The following TTC21B variants were observed in gnomAD, a reference collection of about 807,000 sequenced individuals.
TTC21B encodes the protein tetratricopeptide repeat protein 21B.
In TTC21B, 127 loss-of-function variants were observed where a neutral mutation model predicts 175.1. The ratio of observed to expected loss-of-function variants is 0.73; its 90% CI spans 0.63 to 0.84. TTC21B has a LOEUF of 0.84. Ranked by LOEUF, TTC21B falls within the 40% of genes least tolerant of loss-of-function variation. The probability of loss-of-function intolerance (pLI) is 0.00; values close to 1 mark genes in which losing one functional copy is unlikely to be tolerated. For synonymous variants in TTC21B, 524 were observed against 524.5 expected, an observed-to-expected ratio of 1.00 and a Z score of 0.01; for missense variants, 1,561 against 1,558.3, an observed-to-expected ratio of 1.00 and a Z score of -0.03.
At chr2:165,929,484 C>T in intron 10 of TTC21B, 149 bp from the exon 11 acceptor site, 1 of 939,624 alleles carries the variant, frequency 1.1e-6, no homozygotes, top group Admixed American at 2.3e-5. Flanking sequence ...TAGAATCATT[C>T]AGAAGAATAA....
intron 6 of TTC21B, among the ~76,000 whole-genome samples, chr2:165,940,355 T>C (rs1173666826): frequency 6.6e-6 from 1 of 152,134 alleles, no homozygotes; most frequent in African/African-American, 2.4e-5. Context: ...CTCAAAACCC[T>C]CCAGTAACCT....
intron 20 of TTC21B, among the ~76,000 whole-genome samples, chr2:165,900,860 T>C (rs894247824): frequency 8.6e-5 from 13 of 151,934 alleles, no homozygotes; most frequent in Non-Finnish European, 1.6e-4. Context: ...ATATTACGTG[T>C]TCCATTATAG....
chr2:165,943,429 TTAA>T (rs1385068987), intron 4 of TTC21B, 88 bp from the exon 5 acceptor site: 146 of 1,073,124 alleles, frequency 1.4e-4, no homozygotes, highest in Middle Eastern at 6.3e-4. Flanking sequence ...TTTCTGGCAA[TTAA>T]TAACAAAAAG....
Position 165,915,430 on chromosome 2 carries a change from T to C in TTC21B, c.1909A>G (p.Thr637Ala), listed in dbSNP as rs1316349287. ...TGGATGGCATCTTGTAAAACTTTGG[T>C]TGCCTCATGCTGTAAAGATGAAATT... ...HRLNGEQHEATKVLQDAIHEF... is the reference protein window; with the variant it reads ...HRLNGEQHEAAKVLQDAIHEF... Residue 637 changes from threonine to alanine, a missense_variant, in exon 15 of 29, where the codon ACC (threonine) becomes GCC (alanine). Thr to Ala is a moderately conservative substitution (Grantham distance 58). Coordinates refer to ENST00000243344, the MANE Select transcript of TTC21B (RefSeq NM_024753.5). 1 of 1,613,356 alleles carries C rather than the reference T, an allele frequency of 6.2e-7. No homozygotes were observed. The highest frequency in any genetic ancestry group is 8.5e-7 in the Non-Finnish European group (1 of 1,179,282).
intron 11 of TTC21B, among the ~76,000 whole-genome samples, chr2:165,925,300 A>G (rs1399499951): frequency 6.6e-6 from 1 of 152,220 alleles, no homozygotes; most frequent in East Asian, 1.9e-4. Flanking sequence ...AAGTGATACT[A>G]GAACACTACT....
At chr2:165,947,264 T>C (rs368251689) in intron 3 of TTC21B, 6 of 140,536 alleles carry the variant, frequency 4.3e-5, no homozygotes, top group South Asian at 2.3e-4. Context: ...GAATCAGCCA[T>C]GCAATGAGGA....
intron 9 of TTC21B, 22 bp from the exon 10 acceptor site, chr2:165,929,769 A>G: frequency 6.5e-7 from 1 of 1,541,068 alleles, no homozygotes; most frequent in Non-Finnish European, 9.0e-7. Flanking sequence ...CAGCAGAAAG[A>G]CAGTCAAAGT....
chr2:165,908,042 T>C lies in TTC21B; in HGVS notation c.2462-258A>G, dbSNP rs7595385. 0.026 allele frequency among the ~76,000 whole-genome samples: 3,970 copies of C among 152,296 alleles called. 84 individuals are homozygous for C. Among genetic ancestry groups the C allele is most frequent in the Non-Finnish European group, 0.04 (2,750 of 68,006 alleles). On this transcript the variant is annotated intron_variant, in intron 18 of 28. Coordinates refer to ENST00000243344, the MANE Select transcript of TTC21B (RefSeq NM_024753.5). ...CTTTTCTTAGACATATATTAGGAGATAACAATTTAACACCACAATAATTTC... is the reference window on the plus strand; with the variant it reads ...CTTTTCTTAGACATATATTAGGAGACAACAATTTAACACCACAATAATTTC...
Position 165,890,999 on chromosome 2 carries a change from A to G in TTC21B, c.2951-11T>C. 1 of 1,605,342 alleles carries G rather than the reference A, an allele frequency of 6.2e-7. No individual in the cohort carries two copies. The highest frequency in any genetic ancestry group is 8.5e-7 in the Non-Finnish European group (1 of 1,172,294). ...ATGTCATATAATTATCTAGAAACAA[A>G]TAATACTTCAGATATGGGCACCATT... On this transcript the variant is annotated splice_polypyrimidine_tract_variant and intron_variant, in intron 22 of 28. Coordinates refer to ENST00000243344, the MANE Select transcript of TTC21B (RefSeq NM_024753.5).
intron 18 of TTC21B, among the ~76,000 whole-genome samples, chr2:165,910,815 T>C (rs1685906945): frequency 6.7e-6 from 1 of 148,222 alleles, no homozygotes; most frequent in South Asian, 2.1e-4. Flanking sequence ...GTGGAAAAAA[T>C]TGCAGAAAAG....
chr2:165,938,125 C>T (rs1356825059), intron 6 of TTC21B, among the ~76,000 whole-genome samples: 3 of 143,628 alleles, frequency 2.1e-5, no homozygotes, highest in Admixed American at 7.0e-5. Flanking sequence ...AAGCACTCAT[C>T]TAAATCCATG....
chr2:165,927,824 T>A (rs1209056814), intron 11 of TTC21B, among the ~76,000 whole-genome samples: 2 of 152,158 alleles, frequency 1.3e-5, no homozygotes, highest in African/African-American at 4.8e-5. Flanking sequence ...AAAGTCTGTA[T>A]GGGTTCCCTA....
chr2:165,881,449 C>T (rs1684831867), intron 26 of TTC21B, among the ~76,000 whole-genome samples: 1 of 152,092 alleles, frequency 6.6e-6, no homozygotes, highest in Non-Finnish European at 1.5e-5. Context: ...TTGATCTAGT[C>T]TCTTGATCCA....
At chr2:165,898,350 G>C (rs1685441684) in intron 22 of TTC21B, among the ~76,000 whole-genome samples, 1 of 152,170 alleles carries the variant, frequency 6.6e-6, no homozygotes, top group South Asian at 2.1e-4. Context: ...TAGTGAAGTA[G>C]GTGGCAAGGC....
intron 25 of TTC21B, among the ~76,000 whole-genome samples, chr2:165,884,686 T>G (rs1684948340): frequency 6.6e-6 from 1 of 152,226 alleles, no homozygotes; most frequent in Non-Finnish European, 1.5e-5. Context: ...GATATTCTTT[T>G]GGATAGAGTT....
intron 3 of TTC21B, among the ~76,000 whole-genome samples, chr2:165,946,118 G>A (rs1033297441): frequency 2.7e-5 from 4 of 148,614 alleles, no homozygotes; most frequent in Non-Finnish European, 5.9e-5. Flanking sequence ...GAGGTCAGGA[G>A]ATCGAGACCA....
intron 12 of TTC21B, among the ~76,000 whole-genome samples, chr2:165,923,926 A>AT (rs144503131): frequency 0.29 from 44,289 of 150,596 alleles, 7,442 homozygotes; most frequent in Non-Finnish European, 0.39. Flanking sequence ...TAATTTTTGT[A>AT]TTTTTTTGTA....
intron 17 of TTC21B, among the ~76,000 whole-genome samples, chr2:165,912,088 T>C (rs1259498065): frequency 1.3e-5 from 2 of 152,132 alleles, no homozygotes; most frequent in East Asian, 1.9e-4. Context: ...GTTGTACATA[T>C]GGTCAACAAT....
In TTC21B at chr2:165,883,978, T is replaced by A; in HGVS notation, c.3500A>T (p.Tyr1167Phe). ...IPALLGMATA[Y>F]MILKQTPRAR... is the part of the protein sequence containing the mutation. ...TCGTGGAGTCTGTTTCAAGATCATA[T>A]AAGCCGTTGCCATTCCCAAGAGCGC... The change falls in exon 26 of 29, where the codon TAT (tyrosine) becomes TTT (phenylalanine). Residue 1167 changes from tyrosine to phenylalanine, a missense_variant. Transcript: ENST00000243344. 6.2e-7 allele frequency: 1 copy of A among 1,614,132 alleles called. No homozygotes were observed. The highest frequency in any genetic ancestry group is 8.5e-7 in the Non-Finnish European group (1 of 1,180,000).
Sources: allele counts gnomAD v4.1 joint callset (sites outside exome capture counted in the v4.1 genomes callset), GRCh38; gene constraint gnomAD v4.1.1; transcripts MANE v1.5; gene names NCBI Gene and HGNC (gene_info 2026-07-23, HGNC 2026-07-21).